MRPL51: variants seen among roughly 807,000 people sequenced by gnomAD.
MRPL51 encodes large ribosomal subunit protein mL51.
A neutral mutation model predicts 15.0 loss-of-function variants in MRPL51; 6 were observed. The ratio of observed to expected loss-of-function variants is 0.40; its 90% confidence interval spans 0.22 to 0.79. MRPL51 has a LOEUF of 0.79. Ranked by LOEUF, MRPL51 falls within the 30% of genes least tolerant of loss-of-function variation. MRPL51 has a pLI of 0.36. For missense variants in MRPL51, 155 were observed against 166.4 expected, an observed-to-expected ratio of 0.93 and a Z score of 0.38; for synonymous variants, 65 against 58.3, an observed-to-expected ratio of 1.11 and a Z score of -0.52.
In MRPL51 at chr12:6,493,205, A is replaced by T; in HGVS notation, c.-69T>A. ...GAAGATGACAGGAACCGTCCCCGCC[A>T]ACTTCACACGAGTACTAAGGCGAAG... On this transcript the variant is annotated 5_prime_UTR_variant, in exon 1 of 3. Coordinates refer to ENST00000229238, the MANE Select transcript of MRPL51 (RefSeq NM_016497.4). 6.5e-7 allele frequency: 1 copy of T among 1,547,282 alleles called. No individual in the cohort carries two copies. The highest frequency in any genetic ancestry group is 1.1e-5 in the South Asian group (1 of 88,874).
chr12:6,493,067 A>G lies in MRPL51; in HGVS notation c.70T>C (p.Phe24Leu), dbSNP rs1179198595. ...TACATCAGCCACTTACCAAGAGAGA[A>G]GCTTCTGCACGCCAGAGGCACCCAG... Reference protein sequence around the residue: ...WDWVPLACRSFSLGVPRLIGI... With the variant: ...WDWVPLACRSLSLGVPRLIGI... The change falls in exon 1 of 3, where the codon TTC becomes CTC. Residue 24 changes from phenylalanine (F) to leucine (L), a missense_variant. Phe to Leu is a conservative substitution (Grantham distance 22, BLOSUM62 0). Coordinates refer to ENST00000229238, the MANE Select transcript of MRPL51 (RefSeq NM_016497.4). 1.2e-6 allele frequency: 2 copies of G among 1,613,678 alleles called. No homozygotes were observed. The highest frequency in any genetic ancestry group is 1.1e-5 in the South Asian group (1 of 91,050).
rs1945929380 is a variant in MRPL51, at chr12:6,492,374, C to T, written c.284G>A (p.Arg95Lys). The change falls in exon 3 of 3, where the codon AGG becomes AAG. Residue 95 changes from arginine (R) to lysine (K), a missense_variant. Transcript: ENST00000229238. Reference sequence around the variant, plus strand: ...GAACATTCTACTTCCAACCATTTTCCTCTTTCGGATACAACGTTGCAATTC... The same window carrying T: ...GAACATTCTACTTCCAACCATTTTCTTCTTTCGGATACAACGTTGCAATTC... ...GNELQRCIRK[R>K]KMVGSRMFAD... 6.2e-7 allele frequency: 1 copy of T among 1,614,192 alleles called. No homozygotes were observed. The highest frequency in any genetic ancestry group is 8.5e-7 in the Non-Finnish European group (1 of 1,180,034).
chr12:6,492,594 C>A, intron 2 of MRPL51, 127 bp from the exon 3 acceptor site: 5 of 994,404 alleles, frequency 5.0e-6, no homozygotes, highest in Non-Finnish European at 7.5e-6. Context: ...CAGTACAGAA[C>A]AATAGCACAG....
Position 6,492,928 on chromosome 12 carries a change from T to TG in MRPL51, c.123dup (p.Lys42GlnfsTer4), listed in dbSNP as rs775393735. ...TTCTCGTTCCAACGATCAACCACTT[T>TG]GGGGGGCGGGAGAGTGAGCCTTATA... On this transcript the variant is annotated frameshift_variant, in exon 2 of 3. Coordinates refer to ENST00000229238, the MANE Select transcript of MRPL51 (RefSeq NM_016497.4). LOFTEE classifies it high-confidence loss of function. 3.7e-6 allele frequency: 6 copies of TG among 1,613,966 alleles called. No homozygotes were observed. Among genetic ancestry groups the TG allele is most frequent in the Non-Finnish European group, 5.1e-6 (6 of 1,179,958 alleles).
Position 6,492,972 on chromosome 12 carries a change from C to G in MRPL51, c.80G>C (p.Gly27Ala). 6.2e-7 allele frequency: 1 copy of G among 1,613,842 alleles called. No individual in the cohort carries two copies. Among genetic ancestry groups the G allele is most frequent in the Non-Finnish European group, 8.5e-7 (1 of 1,179,796 alleles). ...VPLACRSFSLGVPRLIGIRLT... is the reference protein window; with the variant it reads ...VPLACRSFSLAVPRLIGIRLT... Reference sequence around the variant, plus strand: ...CCTTATACCGATCAATCTAGGCACACCTGGGGATGGGGAAGGGAGGGAATT... The same window carrying G: ...CCTTATACCGATCAATCTAGGCACAGCTGGGGATGGGGAAGGGAGGGAATT... Residue 27 changes from glycine (G) to alanine (A), a missense_variant and splice_region_variant, in exon 2 of 3, where the codon GGT (glycine) becomes GCT (alanine). Transcript: ENST00000229238.
In MRPL51 at chr12:6,493,051, C is replaced by T. The variant is rs11064230; in HGVS notation, c.79+7G>A. On this transcript the variant is annotated splice_region_variant and intron_variant, in intron 1 of 2. Transcript: ENST00000229238. ...CAGTTATCGGGGTGCCTACATCAGC[C>T]ACTTACCAAGAGAGAAGCTTCTGCA... 2.1e-3 allele frequency: 3,468 copies of T among 1,613,984 alleles called. 53 individuals are homozygous for T. In the African/African-American group the frequency reaches 0.042, roughly 20 times the overall value.
chr12:6,492,818 T>A, intron 2 of MRPL51, 44 bp downstream of exon 2: 2 of 1,533,396 alleles, frequency 1.3e-6, no homozygotes, highest in South Asian at 2.2e-5. Flanking sequence ...TACAGCCTAA[T>A]TGCCATTCTG....
At chr12:6,492,731 T>C (rs964805703) in intron 2 of MRPL51, 131 bp downstream of exon 2, 16 of 939,372 alleles carry the variant, frequency 1.7e-5, no homozygotes, top group Middle Eastern at 4.7e-4. Flanking sequence ...CCAAACACAA[T>C]GTAAACAGCT....
Position 6,493,162 on chromosome 12 carries a change from C to T in MRPL51, c.-26G>A. 1 of 1,610,990 alleles carries T rather than the reference C, an allele frequency of 6.2e-7. No individual in the cohort carries two copies. The highest frequency in any genetic ancestry group is 8.5e-7 in the Non-Finnish European group (1 of 1,179,104). ...TTCTCTAGTCTCCCCCCTTCAACAGCACACCAAATAAGCCCAAGAAGATGA... is the reference window on the plus strand; with the variant it reads ...TTCTCTAGTCTCCCCCCTTCAACAGTACACCAAATAAGCCCAAGAAGATGA... On this transcript the variant is annotated 5_prime_UTR_variant, in exon 1 of 3. Transcript: ENST00000229238.
In MRPL51 at chr12:6,492,849, G is replaced by C. The variant is rs182859203; in HGVS notation, c.190+13C>G. On this transcript the variant is annotated intron_variant, in intron 2 of 2. Coordinates refer to ENST00000229238, the MANE Select transcript of MRPL51 (RefSeq NM_016497.4). ...TTCTGAAATTGTGTACCACGTCGAA[G>C]GTCAAGTCTTACCCAGGATCCCGAT... is the stretch of plus-strand genomic sequence containing the variant. 117 of 1,588,994 alleles carry C rather than the reference G, an allele frequency of 7.4e-5. 1 individual carries two copies. In the African/African-American group the frequency reaches 1.3e-3, roughly 18 times the overall value.
In MRPL51 at chr12:6,493,155, T is replaced by C. The variant is rs1440621195; in HGVS notation, c.-19A>G. 4.3e-6 allele frequency: 7 copies of C among 1,611,540 alleles called. No homozygotes were observed. Among genetic ancestry groups the C allele is most frequent in the Middle Eastern group, 2.2e-4 (1 of 4,474 alleles). ...CTGCCATTTCTCTAGTCTCCCCCCT[T>C]CAACAGCACACCAAATAAGCCCAAG... On this transcript the variant is annotated 5_prime_UTR_variant, in exon 1 of 3. Transcript: ENST00000229238.
intron 2 of MRPL51, 105 bp downstream of exon 2, chr12:6,492,757 C>G: frequency 2.6e-6 from 3 of 1,160,906 alleles, no homozygotes; most frequent in South Asian, 1.3e-5. Flanking sequence ...AGTGTTTGCT[C>G]TTACTATTGA....
chr12:6,492,656 A>G (rs1324184364), intron 2 of MRPL51, among the ~76,000 whole-genome samples, 189 bp from the exon 3 acceptor site: 1 of 152,098 alleles, frequency 6.6e-6, no homozygotes, highest in Non-Finnish European at 1.5e-5. Flanking sequence ...CCATTTATTA[A>G]CTTTGGAAAA....
chr12:6,492,556 G>A, intron 2 of MRPL51, 89 bp from the exon 3 acceptor site: 2 of 1,309,148 alleles, frequency 1.5e-6, no homozygotes, highest in African/African-American at 1.5e-5. Context: ...GCATCTTGCT[G>A]AGCAGCACCT....
Position 6,492,213 on chromosome 12 carries a change from C to T in MRPL51, c.*58G>A. ...AGCCGTTTCCTCACAGGGAAAAGTA[C>T]AGTTTCCCTTCTCCAGGGTGACAGA... On this transcript the variant is annotated 3_prime_UTR_variant, in exon 3 of 3. Coordinates refer to ENST00000229238, the MANE Select transcript of MRPL51 (RefSeq NM_016497.4). 1 of 1,474,234 alleles carries T rather than the reference C, an allele frequency of 6.8e-7. No homozygotes were observed. Among genetic ancestry groups the T allele is most frequent in the Non-Finnish European group, 9.1e-7 (1 of 1,096,310 alleles). The allele number at this position is 1,474,234 out of a possible 1,614,324, so 91.3% of individuals were successfully genotyped here.
chr12:6,493,199 C>A lies in MRPL51; in HGVS notation c.-63G>T. 6.3e-7 allele frequency: 1 copy of A among 1,576,778 alleles called. No homozygotes were observed. Among genetic ancestry groups the A allele is most frequent in the East Asian group, 2.3e-5 (1 of 44,382 alleles). On this transcript the variant is annotated 5_prime_UTR_variant, in exon 1 of 3. Transcript: ENST00000229238. Reference sequence around the variant, plus strand: ...GCCCAAGAAGATGACAGGAACCGTCCCCGCCAACTTCACACGAGTACTAAG... The same window carrying A: ...GCCCAAGAAGATGACAGGAACCGTCACCGCCAACTTCACACGAGTACTAAG...
rs776718738 is a variant in MRPL51, at chr12:6,492,275, C to T, written c.383G>A (p.Arg128Gln). ...YKHFNRHGKF[R>Q] ...CGAAGTTCTCAGCTTTCTCTTCTATCGAAACTTCCCATGTCGGTTAAAGTG... is the reference window on the plus strand; with the variant it reads ...CGAAGTTCTCAGCTTTCTCTTCTATTGAAACTTCCCATGTCGGTTAAAGTG... Residue 128 changes from arginine to glutamine, a missense_variant, in exon 3 of 3, where the codon CGA becomes CAA. Physicochemically the swap from Arg to Gln is conservative, Grantham distance 43. Coordinates refer to ENST00000229238, the MANE Select transcript of MRPL51 (RefSeq NM_016497.4). The T allele has an allele frequency of 3.1e-6, 5 of 1,593,410 alleles. No homozygotes were observed. In the Admixed American group the frequency reaches 7.2e-5, roughly 23 times the overall value.
At position 6,492,938 on chromosome 12, in the gene MRPL51, G is replaced by C; in HGVS notation, c.114C>G (p.Leu38=). 6.2e-7 allele frequency: 1 copy of C among 1,614,074 alleles called. No homozygotes were observed. Among genetic ancestry groups the C allele is most frequent in the Non-Finnish European group, 8.5e-7 (1 of 1,179,988 alleles). ...AACGATCAACCACTTTGGGGGGCGGGAGAGTGAGCCTTATACCGATCAATC... is the reference window on the plus strand; with the variant it reads ...AACGATCAACCACTTTGGGGGGCGGCAGAGTGAGCCTTATACCGATCAATC... ...VPRLIGIRLT[L]PPPKVVDRWN... is the part of the protein sequence containing the mutation. Residue 38 remains leucine (L), a synonymous_variant, in exon 2 of 3, where the codon CTC becomes CTG. Transcript: ENST00000229238.
In MRPL51 at chr12:6,493,191, G is replaced by A. The variant is rs1396927825; in HGVS notation, c.-55C>T. On this transcript the variant is annotated 5_prime_UTR_variant, in exon 1 of 3. Transcript: ENST00000229238. The stretch of plus-strand genomic sequence containing the variant: ...CCAAATAAGCCCAAGAAGATGACAG[G>A]AACCGTCCCCGCCAACTTCACACGA... 2.3e-5 allele frequency: 37 copies of A among 1,593,344 alleles called. No individual in the cohort carries two copies. Among genetic ancestry groups the A allele is most frequent in the Middle Eastern group, 2.3e-4 (1 of 4,422 alleles).
Sources: allele counts gnomAD v4.1 joint callset (sites outside exome capture counted in the v4.1 genomes callset), GRCh38; gene constraint gnomAD v4.1.1; transcripts MANE v1.5; gene names NCBI Gene and HGNC (gene_info 2026-07-23, HGNC 2026-07-21).